The following PCDHGA9 variants were observed in gnomAD, a reference collection of about 807,000 sequenced individuals.
The protein encoded by PCDHGA9 is protocadherin gamma subfamily A, 9, also known as protocadherin gamma-A9.
PCDHGA9 carries 37 observed loss-of-function variants against 62.5 expected under a neutral mutation model. The ratio of observed to expected loss-of-function variants is 0.59; its 90% CI spans 0.46 to 0.78. The LOEUF (loss-of-function observed/expected upper bound fraction) is 0.78. Ranked by LOEUF, PCDHGA9 falls within the 30% of genes least tolerant of loss-of-function variation. PCDHGA9 has a pLI of 0.00. For missense variants in PCDHGA9, 1,138 were observed against 1,166.2 expected (o/e 0.98, Z 0.35); for synonymous variants, 459 against 484.6 (o/e 0.95, Z 0.69).
At chr5:141,494,364 G>A (rs1461560857) in intron 1 of PCDHGA9, among the ~76,000 whole-genome samples, 1 of 152,202 alleles carries the variant, frequency 6.6e-6, no homozygotes, top group African/African-American at 2.4e-5. Context: ...TGCAGAGGAT[G>A]CTTTGTTCCC....
chr5:141,422,239 G>C (rs2096636040), intron 1 of PCDHGA9: 3 of 1,566,586 alleles, frequency 1.9e-6, no homozygotes, highest in East Asian at 4.5e-5. Context: ...GTTGATCACT[G>C]TTGTGGATGT....
chr5:141,419,207 CCGGTTTTCGGACAGT>C, intron 1 of PCDHGA9: 5 of 1,613,998 alleles, frequency 3.1e-6, no homozygotes, highest in Non-Finnish European at 4.2e-6. Flanking sequence ...TGACAACGCG[CCGGTTTTCGGACAGT>C]CAGCCTACCT....
intron 1 of PCDHGA9, chr5:141,409,246 C>A (rs771759898): frequency 1.2e-6 from 2 of 1,614,032 alleles, no homozygotes; most frequent in Admixed American, 3.3e-5. Context: ...CAGAAATAAT[C>A]ATCACTTCTC....
At chr5:141,422,611 A>C in intron 1 of PCDHGA9, 3 of 1,613,762 alleles carry the variant, frequency 1.9e-6, no homozygotes, top group Non-Finnish European at 2.5e-6. Flanking sequence ...CTCTGCCTAC[A>C]TTCCCGAAAA....
chr5:141,403,682 C>T lies in PCDHGA9; in HGVS notation c.730C>T (p.Gln244Ter), dbSNP rs1456832899. 21 of 1,613,810 alleles carry T rather than the reference C, an allele frequency of 1.3e-5. No homozygotes were observed. Among genetic ancestry groups the T allele is most frequent in the Non-Finnish European group, 1.1e-5 (13 of 1,179,846 alleles). ...DTNDNAPVFA[Q>*]RIYRVKVLEN... ...AAATGATAATGCCCCGGTTTTTGCT[C>T]AACGGATTTACCGAGTTAAAGTCCT... is the stretch of plus-strand genomic sequence containing the variant. The change falls in exon 1 of 4, where the codon CAA (glutamine) becomes TAA (stop). Residue 244 changes from glutamine to a stop codon, truncating the protein, a stop_gained. Coordinates refer to ENST00000573521, the MANE Select transcript of PCDHGA9 (RefSeq NM_018921.3). LOFTEE classifies it high-confidence loss of function.
At chr5:141,502,288 G>C (rs2099813700) in intron 2 of PCDHGA9, among the ~76,000 whole-genome samples, 1 of 151,338 alleles carries the variant, frequency 6.6e-6, no homozygotes, top group African/African-American at 2.5e-5. Flanking sequence ...ATTGCATTTG[G>C]TTGTCACGTC....
rs2097549501 is a variant in PCDHGA9 at position 141,432,920 on chromosome 5, A to T, written c.2424+27544A>T. ...GGCGCTCAGGCTGCGGCGCTGGCAC[A>T]AGTCACGCCTGCTGCAGGCTTCAGG... On this transcript the variant is annotated intron_variant, in intron 1 of 3. Transcript: ENST00000573521. The surrounding 1 kb of genome is among the most constrained non-coding windows in gnomAD (Gnocchi z 6.0). 1 of 1,614,022 alleles carries T rather than the reference A, an allele frequency of 6.2e-7. No homozygotes were observed.
At chr5:141,455,534 A>G (rs985347185) in intron 1 of PCDHGA9, among the ~76,000 whole-genome samples, 1 of 152,178 alleles carries the variant, frequency 6.6e-6, no homozygotes, top group Non-Finnish European at 1.5e-5. Flanking sequence ...GACCAGGCAT[A>G]TCATTCACGT....
chr5:141,458,873 C>T (rs1278498446), intron 1 of PCDHGA9, among the ~76,000 whole-genome samples: 2 of 152,148 alleles, frequency 1.3e-5, no homozygotes, highest in African/African-American at 4.8e-5. Context: ...GCTGGGACTA[C>T]AGGCATGCAC....
chr5:141,424,140 C>A, intron 1 of PCDHGA9: 1 of 356,082 alleles, frequency 2.8e-6, no homozygotes, highest in Non-Finnish European at 4.1e-6. Flanking sequence ...TAATAGCATG[C>A]TCCCTCTAGC....
At chr5:141,472,507 T>G (rs919448316) in intron 1 of PCDHGA9, among the ~76,000 whole-genome samples, 2 of 151,872 alleles carry the variant, frequency 1.3e-5, no homozygotes, top group African/African-American at 4.8e-5. Context: ...GCCACTGCAC[T>G]CCAGCCTGGG....
intron 1 of PCDHGA9, chr5:141,478,873 T>C: frequency 7.8e-7 from 1 of 1,274,424 alleles, no homozygotes; most frequent in African/African-American, 1.5e-5. Context: ...GATCAGAGTT[T>C]AGCTTGGTAT....
intron 1 of PCDHGA9, chr5:141,430,838 G>C (rs866767896): frequency 1.3e-6 from 2 of 1,563,026 alleles, no homozygotes; most frequent in Middle Eastern, 1.7e-4. Context: ...GTGGGAGACC[G>C]GATGCACCCA....
At chr5:141,505,604 G>T (rs772730114) in intron 3 of PCDHGA9, 123 bp downstream of exon 3, 1 of 1,535,418 alleles carries the variant, frequency 6.5e-7, no homozygotes, top group Non-Finnish European at 8.8e-7. Flanking sequence ...CTTTCGGCAG[G>T]TCTGAAAGGA....
chr5:141,440,793 C>T (rs1448130354), intron 1 of PCDHGA9: 1 of 152,124 alleles, frequency 6.6e-6, no homozygotes, highest in Non-Finnish European at 1.5e-5. Context: ...TAGACGGCCC[C>T]CCAACAAAGC....
In PCDHGA9 at chr5:141,403,036, C is replaced by T; in HGVS notation, c.84C>T (p.Ala28=). The T allele has an allele frequency of 1.9e-6, 3 of 1,614,080 alleles. No individual in the cohort carries two copies. The highest frequency in any genetic ancestry group is 2.5e-6 in the Non-Finnish European group (3 of 1,179,916). ...SLLGMLWEAR[A]SQIRYSVPEE... ...TGGGGATGCTATGGGAGGCCAGGGCCAGTCAGATTCGCTACTCAGTGCCTG... is the reference window on the plus strand; with the variant it reads ...TGGGGATGCTATGGGAGGCCAGGGCTAGTCAGATTCGCTACTCAGTGCCTG... The change falls in exon 1 of 4, where the codon GCC becomes GCT. Residue 28 remains alanine, a synonymous_variant. Transcript: ENST00000573521.
Position 141,477,931 on chromosome 5 carries a change from G to T in PCDHGA9, c.2425-16876G>T. 6.2e-7 allele frequency: 1 copy of T among 1,614,138 alleles called. No homozygotes were observed. Among genetic ancestry groups the T allele is most frequent in the Non-Finnish European group, 8.5e-7 (1 of 1,180,040 alleles). ...ACGCGGATGCAGGGCACAATGCCTG[G>T]CTCTCCTACAGTCTCTTGGGATCCC... On this transcript the variant is annotated intron_variant, in intron 1 of 3. Coordinates refer to ENST00000573521, the MANE Select transcript of PCDHGA9 (RefSeq NM_018921.3). This position sits in a 1 kb window ranked among gnomAD's most constrained non-coding sequence, Gnocchi z 4.9.
chr5:141,472,878 C>G (rs774209715), intron 1 of PCDHGA9, among the ~76,000 whole-genome samples: 1 of 146,132 alleles, frequency 6.8e-6, no homozygotes, highest in East Asian at 2.1e-4. Context: ...CCCAGCTACT[C>G]GGGAGGCTGA....
In PCDHGA9 at chr5:141,485,109, C is replaced by A; in HGVS notation, c.2425-9698C>A. ...AGATAGGTGTCTCCAGCTGCTGTGG[C>A]TGTTTGGGGCGGGTCGGCTTCATCC... On this transcript the variant is annotated intron_variant, in intron 1 of 3. Transcript: ENST00000573521. This position sits in a 1 kb window ranked among gnomAD's most constrained non-coding sequence, Gnocchi z 5.7. The A allele has an allele frequency of 1.6e-6, 2 of 1,230,962 alleles. No individual in the cohort carries two copies. The highest frequency in any genetic ancestry group is 2.4e-6 in the Non-Finnish European group (2 of 850,024). The allele number at this position is 1,230,962 out of a possible 1,614,324, so 76.3% of individuals were successfully genotyped here.
Sources: gnomAD v4.1 joint callset for allele counts (sites outside exome capture counted in the v4.1 genomes callset) on GRCh38, gnomAD v4.1.1 for gene constraint, Gnocchi (gnomAD v3.1) non-coding constraint, MANE v1.5 for transcripts, NCBI Gene and HGNC (gene_info 2026-07-23, HGNC 2026-07-21) for gene names.